The following ANHX variants were observed in gnomAD, a reference collection of about 807,000 sequenced individuals.
ANHX encodes the protein anomalous homeobox protein.
In ANHX, 20 loss-of-function variants were observed where a neutral mutation model predicts 38.9. The ratio of observed to expected loss-of-function variants is 0.51; its 90% confidence interval spans 0.36 to 0.75. ANHX has a LOEUF of 0.75. Among genes scored for constraint, ANHX ranks in the 30% least tolerant of loss-of-function variants. The pLI is 0.00. For missense variants in ANHX, 475 were observed against 493.1 expected, an observed-to-expected ratio of 0.96 and a Z score of 0.35; for synonymous variants, 185 against 203.1, an observed-to-expected ratio of 0.91 and a Z score of 0.76.
intron 8 of ANHX, among the ~76,000 whole-genome samples, chr12:133,219,985 G>C (rs1957086969): frequency 6.6e-6 from 1 of 152,180 alleles, no homozygotes; most frequent in South Asian, 2.1e-4. Context: ...AAGGAAGCCA[G>C]ACCACAGCAA....
intron 7 of ANHX, among the ~76,000 whole-genome samples, chr12:133,223,531 C>T (rs1423635877): frequency 1.3e-5 from 2 of 151,430 alleles, no homozygotes; most frequent in African/African-American, 4.9e-5. Context: ...CTGCAACCTC[C>T]ACCTCCCGGG....
intron 9 of ANHX, 21 bp downstream of exon 9, chr12:133,219,262 G>C: frequency 6.6e-6 from 10 of 1,526,128 alleles, no homozygotes; most frequent in Non-Finnish European, 8.8e-6. Context: ...GAATCCTTCA[G>C]TGCTCATAGG....
chr12:133,229,901 G>A (rs1011510148), intron 3 of ANHX, among the ~76,000 whole-genome samples: 3 of 152,022 alleles, frequency 2.0e-5, no homozygotes, highest in Admixed American at 6.6e-5. Flanking sequence ...ATCTGCCCCT[G>A]AACACCAAGC....
intron 2 of ANHX, among the ~76,000 whole-genome samples, chr12:133,232,326 T>G (rs1419972324): frequency 2.3e-5 from 1 of 43,936 alleles, no homozygotes; most frequent in East Asian, 3.0e-3. Flanking sequence ...TCCAATCATC[T>G]GCCACAGGAG....
At chr12:133,226,866 A>G in intron 5 of ANHX, 70 bp downstream of exon 5, 1 of 1,382,578 alleles carries the variant, frequency 7.2e-7, no homozygotes, top group Non-Finnish European at 9.6e-7. Context: ...CAGTGTGACT[A>G]CCTAGGCCTG....
chr12:133,223,701 C>T lies in ANHX; in HGVS notation c.1132+1835G>A, dbSNP rs181306850. 1.1e-3 allele frequency among the ~76,000 whole-genome samples: 174 copies of T among 152,084 alleles called. 1 individual carries two copies. Among genetic ancestry groups the T allele is most frequent in the African/African-American group, 3.6e-3 (151 of 41,478 alleles). On this transcript the variant is annotated intron_variant, in intron 7 of 9. Transcript: ENST00000545940. ...GACCTCATGATCCGCCTGCCTCAGCCGCCCAAAGTGCTGGGATTACAGGCG... is the reference window on the plus strand; with the variant it reads ...GACCTCATGATCCGCCTGCCTCAGCTGCCCAAAGTGCTGGGATTACAGGCG...
intron 5 of ANHX, 115 bp from the exon 6 acceptor site, chr12:133,226,553 C>A: frequency 7.2e-7 from 1 of 1,386,398 alleles, no homozygotes; most frequent in South Asian, 1.5e-5. Flanking sequence ...GGGGCCATCC[C>A]AATGTTTTTG....
rs757997998 is a variant in ANHX at position 133,221,338 on chromosome 12, G to A, written c.1147C>T (p.Pro383Ser). The change falls in exon 8 of 10, where the codon CCC becomes TCC. Residue 383 changes from proline to serine, a missense_variant. By Grantham distance (74) the Pro-to-Ser change is moderately conservative. Coordinates refer to ENST00000545940, the MANE Select transcript of ANHX (RefSeq NM_001372060.1). The surrounding 1 kb of genome is among the most constrained non-coding windows in gnomAD (Gnocchi z 4.1). ...TGCACGCTCTGGGGATGGCCGCTGG[G>A]GGGGCCAGAAAACCCTGCATGTAAT... ...DPSPTGFSGP[P>S]SGHPQSVQLE... The A allele has an allele frequency of 1.1e-4, 166 of 1,535,400 alleles. No individual in the cohort carries two copies. Among genetic ancestry groups the A allele is most frequent in the Non-Finnish European group, 1.4e-4 (159 of 1,146,662 alleles).
intron 3 of ANHX, among the ~76,000 whole-genome samples, chr12:133,228,502 C>A (rs540444244): frequency 6.6e-6 from 1 of 152,308 alleles, no homozygotes; most frequent in South Asian, 2.1e-4. Context: ...TGCCACCCTG[C>A]ATGGCCACGC....
intron 3 of ANHX, 121 bp from the exon 4 acceptor site, chr12:133,228,068 CCTCT>C: frequency 9.0e-7 from 1 of 1,110,178 alleles, no homozygotes; most frequent in Non-Finnish European, 1.3e-6. Context: ...CTGGGGGATG[CCTCT>C]CTCTGCCTCC....
rs913518117 is a variant in ANHX, at chr12:133,226,352, C to T, written c.805G>A (p.Ala269Thr). The stretch of plus-strand genomic sequence containing the variant: ...AGTGGCTTTGAGACTGTCTCATCTG[C>T]GGGAAAGTCCGGGGCTAAGGCCAGT... ...EPLALAPDFP[A>T]DETVSKPLDV... Residue 269 changes from alanine to threonine, a missense_variant, in exon 6 of 10, where the codon GCA becomes ACA. By Grantham distance (58) the Ala-to-Thr change is moderately conservative. Coordinates refer to ENST00000545940, the MANE Select transcript of ANHX (RefSeq NM_001372060.1). 9 of 1,536,080 alleles carry T rather than the reference C, an allele frequency of 5.9e-6. No individual in the cohort carries two copies. The highest frequency in any genetic ancestry group is 2.4e-5 in the East Asian group (1 of 40,926).
At chr12:133,233,978 C>T (rs1332299851) in intron 2 of ANHX, 130 bp downstream of exon 2, 1 of 1,236,864 alleles carries the variant, frequency 8.1e-7, no homozygotes, top group African/African-American at 1.5e-5. Flanking sequence ...TTTCCAAGGC[C>T]TGGGGGTGGG....
chr12:133,232,636 C>T (rs1460473807), intron 2 of ANHX, among the ~76,000 whole-genome samples: 4 of 152,302 alleles, frequency 2.6e-5, no homozygotes, highest in Admixed American at 6.5e-5. Flanking sequence ...AGGTCTCAGC[C>T]GCAAGTCACC....
intron 5 of ANHX, among the ~76,000 whole-genome samples, chr12:133,226,721 C>G (rs1593964822): frequency 6.6e-6 from 1 of 152,222 alleles, no homozygotes; most frequent in African/African-American, 2.4e-5. Context: ...CCCGGCCACA[C>G]AGTGACCTCA....
In ANHX at chr12:133,221,637, GCCAGT is replaced by G. The variant is rs1957110000; in HGVS notation, c.1133-290_1133-286del. 6.6e-6 allele frequency among the ~76,000 whole-genome samples: 1 copy of G among 152,150 alleles called. No homozygotes were observed. Among genetic ancestry groups the G allele is most frequent in the Admixed American group, 6.5e-5 (1 of 15,280 alleles). On this transcript the variant is annotated intron_variant, in intron 7 of 9. Coordinates refer to ENST00000545940, the MANE Select transcript of ANHX (RefSeq NM_001372060.1). This position sits in a 1 kb window ranked among gnomAD's most constrained non-coding sequence, Gnocchi z 4.1. ...ATCGCAGACCTCATGTGCCCTCGGT[GCCAGT>G]CAGAGTCTGCAGCTTGCTCCGTCCT...
At chr12:133,225,332 C>T (rs1340836061) in intron 7 of ANHX, among the ~76,000 whole-genome samples, 1 of 150,686 alleles carries the variant, frequency 6.6e-6, no homozygotes, top group Non-Finnish European at 1.5e-5. Flanking sequence ...CACACACACA[C>T]ACACACACAC....
chr12:133,219,343 T>C lies in ANHX; in HGVS notation c.1305A>G (p.Pro435=), dbSNP rs1411999905. ...CAGACACAGGGCCGGGGAAGGCAGA[T>C]GGGGCTGGGGCCAGCTCTGGAGGGC... ...TQSPPELAPA[P]SAFPGPVSAM... The change falls in exon 9 of 10, where the codon CCA becomes CCG. Residue 435 remains proline, a synonymous_variant. Transcript: ENST00000545940. The C allele has an allele frequency of 3.3e-6, 5 of 1,534,132 alleles. No homozygotes were observed. Among genetic ancestry groups the C allele is most frequent in the Non-Finnish European group, 4.4e-6 (5 of 1,145,934 alleles).
rs145422591 is a variant in ANHX at position 133,230,077 on chromosome 12, C to G, written c.377+1440G>C. ...TGCACAGCCCTCTTCTGGACATATT[C>G]TCTGCATAGCACTTCTCACTCTCTG... On this transcript the variant is annotated intron_variant, in intron 3 of 9. Coordinates refer to ENST00000545940, the MANE Select transcript of ANHX (RefSeq NM_001372060.1). Among the ~76,000 whole-genome samples, 154 of 152,344 alleles carry G rather than the reference C, an allele frequency of 1.0e-3. 1 individual carries two copies. Among genetic ancestry groups the G allele is most frequent in the African/African-American group, 3.6e-3 (149 of 41,574 alleles).
chr12:133,223,841 A>C (rs1010600047), intron 7 of ANHX, among the ~76,000 whole-genome samples: 2 of 152,036 alleles, frequency 1.3e-5, no homozygotes, highest in Admixed American at 6.6e-5. Context: ...CAGAACTTTA[A>C]GACCCACCCC....
Sources: gnomAD v4.1 joint callset for allele counts (sites outside exome capture counted in the v4.1 genomes callset) on GRCh38, gnomAD v4.1.1 for gene constraint, Gnocchi (gnomAD v3.1) non-coding constraint, MANE v1.5 for transcripts, NCBI Gene and HGNC (gene_info 2026-07-23, HGNC 2026-07-21) for gene names.